The following ABLIM1 variants were observed in gnomAD, a reference collection of about 807,000 sequenced individuals.
ABLIM1 encodes the protein actin-binding LIM protein 1.
ABLIM1 carries 40 observed loss-of-function variants against 107.0 expected under a neutral mutation model. That is an observed-to-expected ratio of 0.37 (90% CI 0.29 to 0.49). The LOEUF is 0.49. ABLIM1 is among the 20% of genes least tolerant of loss of function. The pLI, the probability that ABLIM1 is intolerant of heterozygous loss-of-function variation, is 0.97. For synonymous variants in ABLIM1, 357 were observed against 357.3 expected (o/e 1.00, Z 0.01); for missense variants, 857 against 1,008.5 (o/e 0.85, Z 2.04).
In ABLIM1 at chr10:114,534,498, C is replaced by T. The variant is rs530841112; in HGVS notation, c.894+10507G>A. Among the ~76,000 whole-genome samples the T allele has an allele frequency of 7.7e-3, 33 of 4,310 alleles. No homozygotes were observed. In the South Asian group the frequency reaches 0.15, roughly 20 times the overall value. The allele number at this position is 4,310 out of a possible 152,430, so 2.8% of individuals were successfully genotyped here. A position where few individuals can be genotyped will look rare whatever the true frequency, so the allele number is the denominator to read the frequency against. ...CCCTGGGCACTCATGATCCCTGAGG[C>T]GGGGTGGGGGTGGGGGGTTCCTGGG... On this transcript the variant is annotated intron_variant, in intron 6 of 22. Coordinates refer to ENST00000533213, the MANE Select transcript of ABLIM1 (RefSeq NM_002313.7).
chr10:114,748,893 A>G (rs550588469), intron 1 of ABLIM1, among the ~76,000 whole-genome samples: 31 of 152,034 alleles, frequency 2.0e-4, no homozygotes, highest in African/African-American at 6.5e-4. Context: ...GGCTGGCCTC[A>G]AACTCCTGGC....
At chr10:114,574,327 T>A (rs1200963455) in intron 3 of ABLIM1, among the ~76,000 whole-genome samples, 7 of 152,174 alleles carry the variant, frequency 4.6e-5, no homozygotes, top group Admixed American at 3.9e-4. Context: ...CAAACCTATC[T>A]TAAGTTTTAT....
At chr10:114,787,700 G>A in the ABLIM1 span, among the ~76,000 whole-genome samples, 1 of 72,056 alleles carries the variant, frequency 1.4e-5, no homozygotes, top group African/African-American at 4.1e-5. Flanking sequence ...CGTCCGGGAG[G>A]GAGGTGGGGG....
intron 1 of ABLIM1, chr10:114,613,750 T>C (rs971967144): frequency 7.7e-7 from 1 of 1,305,422 alleles, no homozygotes; most frequent in East Asian, 5.5e-5. Flanking sequence ...CATTCTAGAA[T>C]GCTACACATT....
At chr10:114,755,205 C>T (rs1177334041) in intron 1 of ABLIM1, among the ~76,000 whole-genome samples, 1 of 152,188 alleles carries the variant, frequency 6.6e-6, no homozygotes, top group Non-Finnish European at 1.5e-5. Context: ...CAAACCCTAC[C>T]GTGAACTGTG....
chr10:114,732,853 A>G (rs1205175258), intron 1 of ABLIM1, among the ~76,000 whole-genome samples: 2 of 152,260 alleles, frequency 1.3e-5, no homozygotes, highest in East Asian at 3.8e-4. Context: ...ATCCTTAAAC[A>G]CAAAACTAAA....
intron 1 of ABLIM1, among the ~76,000 whole-genome samples, chr10:114,679,106 G>A (rs576624389): frequency 4.6e-5 from 7 of 152,240 alleles, no homozygotes; most frequent in South Asian, 2.1e-4. Flanking sequence ...AAGAGGTCAC[G>A]CATATTTCTA....
chr10:114,559,371 G>A (rs2069274848), intron 4 of ABLIM1, among the ~76,000 whole-genome samples: 1 of 147,036 alleles, frequency 6.8e-6, no homozygotes, highest in Non-Finnish European at 1.5e-5. Flanking sequence ...AGGACGCTGA[G>A]GTGGGAGGAT....
At chr10:114,688,318 C>T (rs563052922), upstream of ABLIM1, among the ~76,000 whole-genome samples, 2 of 152,160 alleles carry the variant, frequency 1.3e-5, no homozygotes, top group African/African-American at 4.8e-5. Context: ...CATTCCGCTT[C>T]TAATTATTCT....
chr10:114,439,664 T>C (rs900268485), intron 20 of ABLIM1: 2 of 360,336 alleles, frequency 5.6e-6, no homozygotes, highest in African/African-American at 2.1e-5. Context: ...GAAAGGAATG[T>C]CATGAGGGCA....
intron 1 of ABLIM1, among the ~76,000 whole-genome samples, chr10:114,725,757 G>A (rs991017620): frequency 6.6e-6 from 1 of 151,432 alleles, no homozygotes; most frequent in African/African-American, 2.4e-5. Flanking sequence ...GTGTGTGTGT[G>A]TGTGTGTGTG....
At chr10:114,539,290 G>A (rs574831997) in intron 6 of ABLIM1, among the ~76,000 whole-genome samples, 1 of 149,950 alleles carries the variant, frequency 6.7e-6, no homozygotes, top group African/African-American at 2.4e-5. Flanking sequence ...CCCAGGAGGT[G>A]GGGGGTGCAG....
intron 1 of ABLIM1, among the ~76,000 whole-genome samples, chr10:114,749,310 T>C (rs1269953170): frequency 6.6e-6 from 1 of 152,170 alleles, no homozygotes; most frequent in African/African-American, 2.4e-5. Context: ...CCATTAGCCA[T>C]TGGCTACATT....
At chr10:114,794,562 A>G in the ABLIM1 span, among the ~76,000 whole-genome samples, 2 of 152,250 alleles carry the variant, frequency 1.3e-5, no homozygotes, top group Non-Finnish European at 2.9e-5. Flanking sequence ...AAAAATGAGT[A>G]ACATCAGTAA....
intron 1 of ABLIM1, among the ~76,000 whole-genome samples, chr10:114,633,570 A>T (rs2078308373): frequency 6.6e-6 from 1 of 152,116 alleles, no homozygotes; most frequent in Non-Finnish European, 1.5e-5. Flanking sequence ...CCATAAGGTC[A>T]TGTTTTTCCT....
At chr10:114,443,978 A>G (rs1237285353) in intron 17 of ABLIM1, 51 bp downstream of exon 17, 10 of 1,467,088 alleles carry the variant, frequency 6.8e-6, no homozygotes, top group Non-Finnish European at 9.4e-6. Flanking sequence ...GGTGCCTTAC[A>G]AGCAGGTGGC....
intron 1 of ABLIM1, among the ~76,000 whole-genome samples, chr10:114,649,832 C>G (rs1362812717): frequency 6.6e-6 from 1 of 150,506 alleles, no homozygotes; most frequent in Non-Finnish European, 1.5e-5. Flanking sequence ...CAATGAGTAA[C>G]ACACAATCCA....
intron 1 of ABLIM1, among the ~76,000 whole-genome samples, chr10:114,665,473 A>T (rs990941211): frequency 2.6e-5 from 4 of 152,228 alleles, no homozygotes; most frequent in African/African-American, 9.6e-5. Context: ...AGATCACACA[A>T]GTTGATGGGA....
chr10:114,718,112 A>G (rs1487212847), intron 1 of ABLIM1, among the ~76,000 whole-genome samples: 28 of 31,938 alleles, frequency 8.8e-4, no homozygotes, highest in Non-Finnish European at 2.9e-3. Flanking sequence ...AAAGAAAAAG[A>G]AAGAAAGAAA....
Sources: gnomAD v4.1 joint callset for allele counts (sites outside exome capture counted in the v4.1 genomes callset) on GRCh38, gnomAD v4.1.1 for gene constraint, MANE v1.5 for transcripts, NCBI Gene and HGNC (gene_info 2026-07-23, HGNC 2026-07-21) for gene names.